The following MTHFD2L variants were observed in gnomAD, a reference collection of about 807,000 sequenced individuals.
The protein encoded by MTHFD2L is bifunctional methylenetetrahydrofolate dehydrogenase/cyclohydrolase 2, mitochondrial.
In MTHFD2L, 29 loss-of-function variants were observed where a neutral mutation model predicts 34.9. The ratio of observed to expected loss-of-function variants is 0.83; its 90% CI spans 0.62 to 1.13. The LOEUF is 1.13. Ranked by LOEUF, MTHFD2L falls within the 50% of genes most tolerant of loss-of-function variation. MTHFD2L has a pLI of 0.00. For missense variants in MTHFD2L, 481 were observed against 446.5 expected (o/e 1.08, Z -0.70); for synonymous variants, 167 against 155.7 (o/e 1.07, Z -0.54).
chr4:74,174,402 G>A (rs1315118691), intron 1 of MTHFD2L, 104 bp from the exon 2 acceptor site: 3 of 879,750 alleles, frequency 3.4e-6, no homozygotes, highest in Admixed American at 4.2e-5. Flanking sequence ...CAAATTTTGG[G>A]TGCTTGGAGA....
chr4:74,169,057 G>A (rs1727357386), intron 1 of MTHFD2L, among the ~76,000 whole-genome samples: 1 of 152,088 alleles, frequency 6.6e-6, no homozygotes, highest in South Asian at 2.1e-4. Flanking sequence ...GAGTCTCTAC[G>A]GTGACTGATG....
At chr4:74,138,537 A>G (rs1159284609) in intron 1 of MTHFD2L, among the ~76,000 whole-genome samples, 1 of 152,162 alleles carries the variant, frequency 6.6e-6, no homozygotes, top group Non-Finnish European at 1.5e-5. Context: ...AATTAGGACA[A>G]ACCTGGGCAC....
intron 1 of MTHFD2L, among the ~76,000 whole-genome samples, chr4:74,167,838 G>A (rs113625639): frequency 6.6e-5 from 10 of 152,280 alleles, no homozygotes; most frequent in African/African-American, 1.9e-4. Context: ...ATAGGGGATT[G>A]GGATTTTAGT....
intron 1 of MTHFD2L, chr4:74,160,164 C>T (rs999354759): frequency 9.1e-6 from 10 of 1,099,842 alleles, no homozygotes; most frequent in Non-Finnish European, 1.2e-5. Context: ...CATTAGTTGT[C>T]TAGTTCTTCA....
Position 74,272,016 on chromosome 4 carries a change from T to C in MTHFD2L, c.806-9409T>C, listed in dbSNP as rs535763007. On this transcript the variant is annotated intron_variant, in intron 6 of 7. Coordinates refer to ENST00000325278, the MANE Select transcript of MTHFD2L (RefSeq NM_001144978.3). ...ATAGATGTAGCCCCAATAATGTTGATGATAATACCAAAGTTTTACCCACAA... is the reference window on the plus strand; with the variant it reads ...ATAGATGTAGCCCCAATAATGTTGACGATAATACCAAAGTTTTACCCACAA... 2.0e-5 allele frequency among the ~76,000 whole-genome samples: 3 copies of C among 152,284 alleles called. No homozygotes were observed. In the Middle Eastern group the frequency reaches 0.01, roughly 518 times the overall value.
chr4:74,201,923 A>C (rs1734508965), intron 5 of MTHFD2L, among the ~76,000 whole-genome samples: 1 of 152,190 alleles, frequency 6.6e-6, no homozygotes, highest in South Asian at 2.1e-4. Context: ...TCATCTGAAC[A>C]TCATCCCAAG....
intron 7 of MTHFD2L, 48 bp from the exon 8 acceptor site, chr4:74,301,649 C>A: frequency 8.8e-7 from 1 of 1,134,686 alleles, no homozygotes; most frequent in Non-Finnish European, 1.3e-6. Flanking sequence ...ATTAAAATCT[C>A]AGATATTTTA....
upstream of MTHFD2L, among the ~76,000 whole-genome samples, chr4:74,154,753 C>T (rs915115688): frequency 4.6e-5 from 7 of 152,112 alleles, no homozygotes; most frequent in African/African-American, 1.7e-4. Context: ...TGTAGAATGA[C>T]ATTAGAAACC....
chr4:74,257,290 A>G lies in MTHFD2L; in HGVS notation c.806-24135A>G, dbSNP rs774449153. On this transcript the variant is annotated intron_variant, in intron 6 of 7. Transcript: ENST00000325278. ...TAATAGTAAGTTTTTACCTATAAAA[A>G]TTACTTTAAATATAAATGACTTAAT... Among the ~76,000 whole-genome samples, 26 of 152,280 alleles carry G rather than the reference A, an allele frequency of 1.7e-4. 1 individual carries two copies. The highest frequency in any genetic ancestry group is 2.6e-4 in the Non-Finnish European group (18 of 68,012).
At chr4:74,254,580 C>A (rs1360439600) in intron 6 of MTHFD2L, among the ~76,000 whole-genome samples, 2 of 49,952 alleles carry the variant, frequency 4.0e-5, no homozygotes, top group Admixed American at 3.0e-4. Flanking sequence ...AAAAACTCCC[C>A]CACCTCCAAA....
chr4:74,187,733 T>TACACACACACAC (rs35175417), intron 3 of MTHFD2L, among the ~76,000 whole-genome samples: 72 of 134,224 alleles, frequency 5.4e-4, no homozygotes, highest in African/African-American at 1.9e-3. Context: ...AAACGTTAAA[T>TACACACACACAC]ACACACACAC....
At chr4:74,272,804 G>A (rs1365067035) in intron 6 of MTHFD2L, among the ~76,000 whole-genome samples, 2 of 152,128 alleles carry the variant, frequency 1.3e-5, no homozygotes, top group Non-Finnish European at 2.9e-5. Context: ...AAGAAAATGA[G>A]CAGAAAGTGA....
At chr4:74,170,028 C>G (rs1406069534) in intron 1 of MTHFD2L, among the ~76,000 whole-genome samples, 1 of 152,132 alleles carries the variant, frequency 6.6e-6, no homozygotes, top group Non-Finnish European at 1.5e-5. Flanking sequence ...CAGATAGCTT[C>G]ATGGGTGAAT....
chr4:74,234,074 C>A (rs1009234113), intron 6 of MTHFD2L, among the ~76,000 whole-genome samples: 1 of 152,008 alleles, frequency 6.6e-6, no homozygotes, highest in African/African-American at 2.4e-5. Flanking sequence ...TGGAAATATA[C>A]TTTAGATGGT....
Position 74,175,313 on chromosome 4 carries a change from G to C in MTHFD2L, c.361G>C (p.Asp121His). Residue 121 changes from aspartate to histidine, a missense_variant, in exon 3 of 8, where the codon GAT becomes CAT. Physicochemically the swap from Asp to His is moderately conservative, Grantham distance 81 (BLOSUM62 -1). Transcript: ENST00000325278. ...ICSELILKPK[D>H]VSQEELLDVT... Reference sequence around the variant, plus strand: ...TAGTGAGCTCATTCTAAAACCTAAGGATGTTTCTCAGGAAGAACTTTTGGA... The same window carrying C: ...TAGTGAGCTCATTCTAAAACCTAAGCATGTTTCTCAGGAAGAACTTTTGGA... 6.2e-7 allele frequency: 1 copy of C among 1,613,158 alleles called. No individual in the cohort carries two copies. The highest frequency in any genetic ancestry group is 8.5e-7 in the Non-Finnish European group (1 of 1,179,422).
intron 3 of MTHFD2L, among the ~76,000 whole-genome samples, chr4:74,196,751 G>T (rs939844661): frequency 2.0e-5 from 3 of 151,992 alleles, no homozygotes; most frequent in East Asian, 1.9e-4. Context: ...TTTGAGACCA[G>T]CCTGGCCAAT....
intron 6 of MTHFD2L, among the ~76,000 whole-genome samples, chr4:74,261,300 A>G (rs1744656274): frequency 6.6e-6 from 1 of 152,016 alleles, no homozygotes; most frequent in Non-Finnish European, 1.5e-5. Context: ...GAATACAATA[A>G]CAACGTAAAT....
intron 3 of MTHFD2L, among the ~76,000 whole-genome samples, chr4:74,193,733 G>T (rs1457207963): frequency 1.3e-5 from 2 of 152,110 alleles, no homozygotes; most frequent in African/African-American, 4.8e-5. Context: ...GTTACTACTT[G>T]TATCAGGAAT....
chr4:74,196,735 C>T (rs527500940), intron 3 of MTHFD2L, among the ~76,000 whole-genome samples: 74 of 152,014 alleles, frequency 4.9e-4, no homozygotes, highest in Middle Eastern at 3.4e-3. Context: ...ATCACGAGGT[C>T]AGGAGTTTGA....
Sources: allele counts gnomAD v4.1 joint callset (sites outside exome capture counted in the v4.1 genomes callset), GRCh38; gene constraint gnomAD v4.1.1; transcripts MANE v1.5; gene names NCBI Gene and HGNC (gene_info 2026-07-23, HGNC 2026-07-21).